LMBRD1: variants seen among roughly 807,000 people sequenced by gnomAD.
The protein encoded by LMBRD1 is LMBR1 domain containing 1.
A neutral mutation model predicts 74.8 loss-of-function variants in LMBRD1; 64 were observed. The ratio of observed to expected loss-of-function variants is 0.86; its 90% CI spans 0.70 to 1.05. The LOEUF is 1.05. Ranked by LOEUF, LMBRD1 falls within the 50% of genes least tolerant of loss-of-function variation. LMBRD1 has a pLI of 0.00. For synonymous variants in LMBRD1, 204 were observed against 216.3 expected, an observed-to-expected ratio of 0.94 and a Z score of 0.50; for missense variants, 652 against 645.9, an observed-to-expected ratio of 1.01 and a Z score of -0.10.
intron 7 of LMBRD1, among the ~76,000 whole-genome samples, chr6:69,725,014 G>C (rs1006295539): frequency 2.6e-5 from 4 of 152,066 alleles, no homozygotes; most frequent in African/African-American, 9.7e-5. Flanking sequence ...ATTCAGTAAA[G>C]TTGCAGGATA....
chr6:69,796,494 T>C (rs1396863587), intron 1 of LMBRD1, among the ~76,000 whole-genome samples: 3 of 152,142 alleles, frequency 2.0e-5, no homozygotes, highest in Non-Finnish European at 4.4e-5. Flanking sequence ...CACATACTTC[T>C]CAACCCCGAG....
In LMBRD1 at chr6:69,675,492, C is replaced by T. The variant is rs144967793; in HGVS notation, c.*666G>A. On this transcript the variant is annotated 3_prime_UTR_variant, in exon 16 of 16. Coordinates refer to ENST00000649934, the MANE Select transcript of LMBRD1 (RefSeq NM_018368.4). Reference sequence around the variant, plus strand: ...ATACCCCTATTTATATTGAAATACACATTTTGAGGTCAGATGCAAAACAAA... The same window carrying T: ...ATACCCCTATTTATATTGAAATACATATTTTGAGGTCAGATGCAAAACAAA... Among the ~76,000 whole-genome samples the T allele has an allele frequency of 1.2e-4, 19 of 152,118 alleles. No individual in the cohort carries two copies. The highest frequency in any genetic ancestry group is 4.3e-4 in the African/African-American group (18 of 41,496).
chr6:69,705,751 T>C (rs1023676997), intron 9 of LMBRD1: 11 of 1,208,238 alleles, frequency 9.1e-6, no homozygotes, highest in Non-Finnish European at 1.1e-5. Flanking sequence ...TTTCCAGATA[T>C]ACTTAAGAGT....
rs1335506612 is a variant in LMBRD1, at chr6:69,708,650, A to T, written c.915+4995T>A. Among the ~76,000 whole-genome samples the T allele has an allele frequency of 5.4e-5, 6 of 111,210 alleles. No homozygotes were observed. The East Asian group carries it at 1.6e-3, about 29-fold the overall frequency. The allele number at this position is 111,210 out of a possible 152,430, so 73.0% of individuals were successfully genotyped here. On this transcript the variant is annotated intron_variant, in intron 9 of 15. Transcript: ENST00000649934. ...CAAGATCAACAGGCATCTTCATGGGAACAAAAAAAAAAATCCTCTACTAAT... is the reference window on the plus strand; with the variant it reads ...CAAGATCAACAGGCATCTTCATGGGTACAAAAAAAAAAATCCTCTACTAAT...
intron 7 of LMBRD1, among the ~76,000 whole-genome samples, chr6:69,727,952 T>C (rs1416786822): frequency 6.6e-6 from 1 of 152,186 alleles, no homozygotes; most frequent in Non-Finnish European, 1.5e-5. Flanking sequence ...TAGTATTATA[T>C]GATTATTTAC....
At chr6:69,760,434 A>C (rs1304753026) in intron 3 of LMBRD1, among the ~76,000 whole-genome samples, 1 of 152,240 alleles carries the variant, frequency 6.6e-6, no homozygotes, top group African/African-American at 2.4e-5. Flanking sequence ...AGTATTTCTA[A>C]GGGAGAAATA....
Position 69,680,653 on chromosome 6 carries a change from C to T in LMBRD1, c.1418-4112G>A, listed in dbSNP as rs890526134. Among the ~76,000 whole-genome samples, 4 of 151,998 alleles carry T rather than the reference C, an allele frequency of 2.6e-5. No individual in the cohort carries two copies. In the East Asian group the frequency reaches 7.7e-4, roughly 29 times the overall value. ...ACCATAAAAATGTATCATCATTCTG[C>T]GTTGTTGTTGAAAAATGATAGAAGG... On this transcript the variant is annotated intron_variant, in intron 14 of 15. Coordinates refer to ENST00000649934, the MANE Select transcript of LMBRD1 (RefSeq NM_018368.4).
At position 69,701,954 on chromosome 6, in the gene LMBRD1, C is replaced by A. The variant is rs1283858518; in HGVS notation, c.916-1G>T. 1 of 1,572,426 alleles carries A rather than the reference C, an allele frequency of 6.4e-7. No individual in the cohort carries two copies. The highest frequency in any genetic ancestry group is 8.7e-7 in the Non-Finnish European group (1 of 1,143,426). ...AGATGAAAAATATTCCCCAGACGATCTAAAAGCAAAAATATATTCATTAAA... is the reference window on the plus strand; with the variant it reads ...AGATGAAAAATATTCCCCAGACGATATAAAAGCAAAAATATATTCATTAAA... On this transcript the variant is annotated splice_acceptor_variant, in intron 9 of 15. Transcript: ENST00000649934. LOFTEE classifies it high-confidence loss of function.
At chr6:69,736,657 T>G (rs969455206) in intron 7 of LMBRD1, among the ~76,000 whole-genome samples, 2 of 152,220 alleles carry the variant, frequency 1.3e-5, no homozygotes. Context: ...TCTAAAGGTT[T>G]CAAAGCACTT....
At chr6:69,767,298 G>A (rs1765491844) in intron 3 of LMBRD1, among the ~76,000 whole-genome samples, 1 of 151,338 alleles carries the variant, frequency 6.6e-6, no homozygotes, top group Non-Finnish European at 1.5e-5. Flanking sequence ...AGAAGTTTAG[G>A]TAGTTGAGAA....
intron 3 of LMBRD1, among the ~76,000 whole-genome samples, chr6:69,754,610 A>G (rs1765231522): frequency 6.6e-6 from 1 of 152,252 alleles, no homozygotes; most frequent in African/African-American, 2.4e-5. Flanking sequence ...ACTAATAGTG[A>G]CAATAAATCT....
chr6:69,682,382 G>A (rs1765682532), intron 14 of LMBRD1, among the ~76,000 whole-genome samples: 1 of 151,848 alleles, frequency 6.6e-6, no homozygotes, highest in African/African-American at 2.4e-5. Flanking sequence ...TTAAGAATAA[G>A]TTTCAGAGTA....
intron 14 of LMBRD1, among the ~76,000 whole-genome samples, chr6:69,683,060 C>T (rs1765695362): frequency 6.6e-6 from 1 of 151,976 alleles, no homozygotes; most frequent in East Asian, 1.9e-4. Context: ...ATCAACTTTA[C>T]TATACTATTT....
chr6:69,719,743 T>A (rs897772893), intron 7 of LMBRD1, among the ~76,000 whole-genome samples: 9 of 152,320 alleles, frequency 5.9e-5, no homozygotes, highest in South Asian at 2.1e-4. Context: ...TTATTCAGAA[T>A]CATTACTGAC....
intron 14 of LMBRD1, among the ~76,000 whole-genome samples, chr6:69,679,463 G>A (rs1156924621): frequency 6.6e-6 from 1 of 151,942 alleles, no homozygotes; most frequent in Non-Finnish European, 1.5e-5. Context: ...TTTTCCAGTA[G>A]ATATACTGAG....
intron 5 of LMBRD1, among the ~76,000 whole-genome samples, chr6:69,748,574 A>G (rs947705523): frequency 1.3e-5 from 2 of 152,082 alleles, no homozygotes; most frequent in African/African-American, 4.8e-5. Flanking sequence ...GTTACATGTA[A>G]TAAGTAATTT....
chr6:69,782,771 C>G (rs970307883), intron 2 of LMBRD1, among the ~76,000 whole-genome samples: 4 of 152,070 alleles, frequency 2.6e-5, no homozygotes, highest in African/African-American at 9.7e-5. Flanking sequence ...GAGTTTCTCT[C>G]TTTGCCTAAT....
At chr6:69,679,749 T>G (rs1198058152) in intron 14 of LMBRD1, among the ~76,000 whole-genome samples, 1 of 152,156 alleles carries the variant, frequency 6.6e-6, no homozygotes, top group Non-Finnish European at 1.5e-5. Context: ...TTTTGCCATG[T>G]GTACAGGCAA....
At chr6:69,766,222 C>T (rs1375089391) in intron 3 of LMBRD1, among the ~76,000 whole-genome samples, 3 of 151,864 alleles carry the variant, frequency 2.0e-5, no homozygotes, top group Non-Finnish European at 4.4e-5. Context: ...GTGTTGAGAG[C>T]AGACATAGTT....
Sources: gnomAD v4.1 joint callset for allele counts (sites outside exome capture counted in the v4.1 genomes callset) on GRCh38, gnomAD v4.1.1 for gene constraint, MANE v1.5 for transcripts, NCBI Gene and HGNC (gene_info 2026-07-23, HGNC 2026-07-21) for gene names.